Variants in PDE9A observed in about 807,000 individuals in gnomAD.
PDE9A encodes the protein phosphodiesterase 9A.
PDE9A carries 60 observed loss-of-function variants against 87.4 expected under a neutral mutation model. That is an observed-to-expected ratio of 0.69 (90% CI 0.56 to 0.85). PDE9A has a LOEUF of 0.85. PDE9A is among the 40% of genes least tolerant of loss of function. The pLI is 0.00. For synonymous variants in PDE9A, 272 were observed against 279.4 expected (o/e 0.97, Z 0.27); for missense variants, 665 against 779.0 (o/e 0.85, Z 1.74).
chr21:42,742,298 G>A (rs766780427), intron 7 of PDE9A, among the ~76,000 whole-genome samples: 5 of 152,088 alleles, frequency 3.3e-5, no homozygotes, highest in Non-Finnish European at 7.4e-5. Flanking sequence ...AGTGCCGGCT[G>A]TGCGGGAGAC....
At position 42,687,887 on chromosome 21, in the gene PDE9A, C is replaced by G. The variant is rs779535186; in HGVS notation, c.141-30C>G. The G allele has an allele frequency of 9.4e-6, 15 of 1,600,906 alleles. 1 individual carries two copies. In the Middle Eastern group the frequency reaches 2.3e-3, roughly 247 times the overall value. ...TGTACATCCCAGAGCACACTATGGG[C>G]GAAAACACGGGCTTGGGTGTGTTTT... On this transcript the variant is annotated intron_variant, in intron 2 of 19. Transcript: ENST00000291539.
rs922580791 is a variant in PDE9A, at chr21:42,696,281, C to T, written c.219-2687C>T. On this transcript the variant is annotated intron_variant, in intron 3 of 19. Coordinates refer to ENST00000291539, the MANE Select transcript of PDE9A (RefSeq NM_002606.3). The surrounding 1 kb of genome is among the most constrained non-coding windows in gnomAD (Gnocchi z 5.1). ...CACGCCTCTCTGGCTCTGTCCCCGC[C>T]GGCACTGTGTGGGATCCATGCTGTT... Among the ~76,000 whole-genome samples, 49 of 152,314 alleles carry T rather than the reference C, an allele frequency of 3.2e-4. No individual in the cohort carries two copies. The highest frequency in any genetic ancestry group is 8.7e-4 in the African/African-American group (36 of 41,564).
rs1328936288 is a variant in PDE9A at position 42,759,248 on chromosome 21, C to T, written c.897+163C>T. ...AGTTCTGTGAGGACACTCAGCCTGT[C>T]TCTGTTCCTCCTTCCACCAAAACCT... On this transcript the variant is annotated intron_variant, in intron 11 of 19. Coordinates refer to ENST00000291539, the MANE Select transcript of PDE9A (RefSeq NM_002606.3). This position sits in a 1 kb window ranked among gnomAD's most constrained non-coding sequence, Gnocchi z 7.2. Among the ~76,000 whole-genome samples the T allele has an allele frequency of 1.3e-5, 2 of 152,216 alleles. No homozygotes were observed. Among genetic ancestry groups the T allele is most frequent in the Non-Finnish European group, 2.9e-5 (2 of 68,042 alleles).
At chr21:42,662,749 G>A (rs1601880935) in intron 1 of PDE9A, among the ~76,000 whole-genome samples, 1 of 83,932 alleles carries the variant, frequency 1.2e-5, no homozygotes. Flanking sequence ...TCACACACAA[G>A]AACGCACACC....
chr21:42,653,621 G>A lies in PDE9A; in HGVS notation c.-194G>A. ...CGGAGCCCGAGCCCGAGCGCGAGCCGAGCGGAGGAGACCCTGCGGCGCGCG... is the reference window on the plus strand; with the variant it reads ...CGGAGCCCGAGCCCGAGCGCGAGCCAAGCGGAGGAGACCCTGCGGCGCGCG... On this transcript the variant is annotated 5_prime_UTR_variant, in exon 1 of 20. Transcript: ENST00000291539. 6.5e-6 allele frequency: 1 copy of A among 153,394 alleles called. No individual in the cohort carries two copies. The highest frequency in any genetic ancestry group is 1.4e-5 in the Non-Finnish European group (1 of 70,796). The allele number at this position is 153,394 out of a possible 1,614,324, so 9.5% of individuals were successfully genotyped here. A position where few individuals can be genotyped will look rare whatever the true frequency, so the allele number is the denominator to read the frequency against.
rs528973782 is a variant in PDE9A, at chr21:42,698,948, C to T, written c.219-20C>T. ...AGCGCCTTGCAGAGTCTCACAGCGG[C>T]ACTGTCTTCTCTTTTGCAGCACTCC... On this transcript the variant is annotated intron_variant, in intron 3 of 19. Coordinates refer to ENST00000291539, the MANE Select transcript of PDE9A (RefSeq NM_002606.3). 2.5e-5 allele frequency: 40 copies of T among 1,605,090 alleles called. No individual in the cohort carries two copies. In the South Asian group the frequency reaches 3.8e-4, roughly 15 times the overall value.
At chr21:42,697,734 A>G (rs2060220626) in intron 3 of PDE9A, among the ~76,000 whole-genome samples, 1 of 152,140 alleles carries the variant, frequency 6.6e-6, no homozygotes, top group African/African-American at 2.4e-5. Context: ...TGGCCCTTGT[A>G]AGGACACCAA....
intron 15 of PDE9A, among the ~76,000 whole-genome samples, chr21:42,766,414 G>C (rs899293371): frequency 6.6e-6 from 1 of 152,116 alleles, no homozygotes; most frequent in African/African-American, 2.4e-5. Context: ...CTAAGCATCA[G>C]GTGCACCCCT....
chr21:42,689,116 G>A (rs1316925610), intron 3 of PDE9A, among the ~76,000 whole-genome samples: 2 of 151,490 alleles, frequency 1.3e-5, no homozygotes, highest in Non-Finnish European at 2.9e-5. Flanking sequence ...CCCACTCAGC[G>A]AGGTCCCAGT....
chr21:42,699,028 G>C lies in PDE9A; in HGVS notation c.262+17G>C. ...AACTCTCCGGTAAGGCCCTGCTGTC[G>C]TTTTTTAAACTAAAAGAAGGAAAAA... On this transcript the variant is annotated intron_variant, in intron 4 of 19. Coordinates refer to ENST00000291539, the MANE Select transcript of PDE9A (RefSeq NM_002606.3). The C allele has an allele frequency of 1.3e-6, 2 of 1,585,624 alleles. No homozygotes were observed. Among genetic ancestry groups the C allele is most frequent in the Non-Finnish European group, 1.7e-6 (2 of 1,154,408 alleles).
At chr21:42,707,630 G>C (rs2048951122) in intron 4 of PDE9A, among the ~76,000 whole-genome samples, 1 of 152,094 alleles carries the variant, frequency 6.6e-6, no homozygotes, top group African/African-American at 2.4e-5. Context: ...CTAGCCCCCA[G>C]CTCCTTGTCT....
intron 3 of PDE9A, among the ~76,000 whole-genome samples, chr21:42,691,411 C>T (rs948107516): frequency 4.6e-5 from 7 of 151,326 alleles, no homozygotes; most frequent in African/African-American, 1.7e-4. Flanking sequence ...CAGCCTTTCA[C>T]CATCACCATC....
intron 1 of PDE9A, among the ~76,000 whole-genome samples, chr21:42,667,355 G>A (rs887012725): frequency 2.0e-5 from 3 of 152,298 alleles, no homozygotes; most frequent in Middle Eastern, 3.4e-3. Flanking sequence ...GGGTGCTGAC[G>A]TGGCCACAGT....
At chr21:42,769,348 C>T (rs1367886942) in intron 17 of PDE9A, among the ~76,000 whole-genome samples, 193 bp downstream of exon 17, 1 of 148,856 alleles carries the variant, frequency 6.7e-6, no homozygotes, top group African/African-American at 2.6e-5. Flanking sequence ...TACACACAGG[C>T]ACACACACAG....
Position 42,695,687 on chromosome 21 carries a change from T to C in PDE9A, c.219-3281T>C, listed in dbSNP as rs2060107593. On this transcript the variant is annotated intron_variant, in intron 3 of 19. Coordinates refer to ENST00000291539, the MANE Select transcript of PDE9A (RefSeq NM_002606.3). The surrounding 1 kb of genome is among the most constrained non-coding windows in gnomAD (Gnocchi z 4.3). ...CAGGCCTCCTCCTCCTCCTATTAAA[T>C]GTGTTTTAAAAGAGGTCTTAGAGCC... 6.6e-6 allele frequency among the ~76,000 whole-genome samples: 1 copy of C among 152,322 alleles called. No homozygotes were observed. Among genetic ancestry groups the C allele is most frequent in the Admixed American group, 6.5e-5 (1 of 15,306 alleles).
chr21:42,662,432 G>C (rs1232781674), intron 1 of PDE9A, among the ~76,000 whole-genome samples: 1 of 151,886 alleles, frequency 6.6e-6, no homozygotes, highest in Non-Finnish European at 1.5e-5. Flanking sequence ...CAGAGGGATG[G>C]AGGACTATGG....
intron 1 of PDE9A, among the ~76,000 whole-genome samples, chr21:42,684,738 C>T (rs1458176853): frequency 6.6e-6 from 1 of 152,304 alleles, no homozygotes; most frequent in East Asian, 1.9e-4. Context: ...GCTGCATAGG[C>T]AGCCAGGGAC....
intron 1 of PDE9A, among the ~76,000 whole-genome samples, chr21:42,679,735 G>C (rs1387314270): frequency 2.0e-5 from 3 of 152,144 alleles, no homozygotes; most frequent in Non-Finnish European, 4.4e-5. Context: ...CCAGGAAAAT[G>C]CCTCTGGACC....
Position 42,775,437 on chromosome 21 carries a change from A to G in PDE9A, c.*144A>G, listed in dbSNP as rs1353098142. The G allele has an allele frequency of 1.6e-6, 1 of 624,678 alleles. No homozygotes were observed. Among genetic ancestry groups the G allele is most frequent in the African/African-American group, 1.9e-5 (1 of 52,764 alleles). The allele number at this position is 624,678 out of a possible 1,614,324, so 38.7% of individuals were successfully genotyped here. A position where few individuals can be genotyped will look rare whatever the true frequency, so the allele number is the denominator to read the frequency against. On this transcript the variant is annotated 3_prime_UTR_variant, in exon 20 of 20. Transcript: ENST00000291539. ...TTTTGTTCACTGATACAAAAAAAAA[A>G]AAAGGAATTCATGATGCTGTACAGA... is the stretch of plus-strand genomic sequence containing the variant.
Sources: gnomAD v4.1 joint callset for allele counts (sites outside exome capture counted in the v4.1 genomes callset) on GRCh38, gnomAD v4.1.1 for gene constraint, Gnocchi (gnomAD v3.1) non-coding constraint, MANE v1.5 for transcripts, NCBI Gene and HGNC (gene_info 2026-07-23, HGNC 2026-07-21) for gene names.